TLE2: variants seen among roughly 807,000 people sequenced by gnomAD.
TLE2 encodes the protein transducin-like enhancer protein 2.
Under a neutral mutation model 97.2 loss-of-function variants are expected in TLE2, and 74 were observed. That is an observed-to-expected ratio of 0.76 (90% CI 0.63 to 0.92). The LOEUF is 0.92. TLE2 is among the 40% of genes least tolerant of loss of function. TLE2 has a pLI of 0.00. For missense variants in TLE2, 1,038 were observed against 1,008.7 expected (o/e 1.03, Z -0.39); for synonymous variants, 499 against 432.1 (o/e 1.15, Z -1.92).
intron 2 of TLE2, 93 bp downstream of exon 2, chr19:3,028,613 G>A (rs1368337214): frequency 2.8e-6 from 4 of 1,428,992 alleles, no homozygotes; most frequent in Non-Finnish European, 3.9e-6. Flanking sequence ...CCCTCCAACC[G>A]GGAGCCCCTC....
intron 15 of TLE2, 97 bp from the exon 16 acceptor site, chr19:3,006,065 C>T: frequency 6.9e-7 from 1 of 1,447,008 alleles, no homozygotes; most frequent in South Asian, 1.1e-5. Context: ...CCAATGTAGC[C>T]TCATCCTGAT....
At position 3,029,133 on chromosome 19, in the gene TLE2, G is replaced by C. The variant is rs1156604581; in HGVS notation, c.-229C>G. Reference sequence around the variant, plus strand: ...TTGGGGTGCGCGGGGCGAGCGGGGCGGGCAGGGGCAGCGGCCGGGGCGGGA... The same window carrying C: ...TTGGGGTGCGCGGGGCGAGCGGGGCCGGCAGGGGCAGCGGCCGGGGCGGGA... On this transcript the variant is annotated 5_prime_UTR_variant, in exon 1 of 20. Coordinates refer to ENST00000262953, the MANE Select transcript of TLE2 (RefSeq NM_003260.5). The C allele has an allele frequency of 1.3e-5, 14 of 1,063,602 alleles. No homozygotes were observed. The highest frequency in any genetic ancestry group is 4.2e-4 in the Middle Eastern group (1 of 2,396). The allele number at this position is 1,063,602 out of a possible 1,614,324, so 65.9% of individuals were successfully genotyped here. A position where few individuals can be genotyped will look rare whatever the true frequency, so the allele number is the denominator to read the frequency against.
At chr19:3,030,163 C>A (rs946229818), upstream of TLE2, among the ~76,000 whole-genome samples, 2 of 152,170 alleles carry the variant, frequency 1.3e-5, no homozygotes, top group Non-Finnish European at 2.9e-5. Context: ...GAGCAAACTT[C>A]CACAGATGGG....
At chr19:3,042,240 AGAG>A (rs1043216014) in intron 1 of TLE2, among the ~76,000 whole-genome samples, 1 of 103,732 alleles carries the variant, frequency 9.6e-6, no homozygotes, top group African/African-American at 3.8e-5. Context: ...AGAGGAGGGG[AGAG>A]GAGGAGGCCC....
In TLE2 at chr19:3,036,584, C is replaced by T. The variant is rs2090064965; in HGVS notation, c.64-7781G>A. On this transcript the variant is annotated intron_variant, in intron 1 of 18. Coordinates refer to the TLE2 transcript ENST00000426948. ...CCCGGGCTCGCGGGTGACCTCTGAGCCTCAGCTCCCCGCCACGCTTGGCGG... is the reference window on the plus strand; with the variant it reads ...CCCGGGCTCGCGGGTGACCTCTGAGTCTCAGCTCCCCGCCACGCTTGGCGG... 2.0e-5 allele frequency among the ~76,000 whole-genome samples: 3 copies of T among 152,244 alleles called. No homozygotes were observed. In the South Asian group the frequency reaches 6.2e-4, roughly 31 times the overall value.
At chr19:3,014,658 G>A in intron 9 of TLE2, 44 bp from the exon 10 acceptor site, 2 of 1,534,712 alleles carry the variant, frequency 1.3e-6, no homozygotes, top group Non-Finnish European at 8.8e-7. Context: ...TCATGCCCCT[G>A]CCTCCACACC....
chr19:3,016,706 G>A (rs951014165), intron 8 of TLE2, among the ~76,000 whole-genome samples: 17 of 152,092 alleles, frequency 1.1e-4, no homozygotes, highest in East Asian at 5.8e-4. Context: ...CTAGGCGAAC[G>A]GAAGTGAGGA....
At chr19:3,001,842 G>A (rs1004962530) in intron 18 of TLE2, among the ~76,000 whole-genome samples, 1 of 141,660 alleles carries the variant, frequency 7.1e-6, no homozygotes, top group East Asian at 2.0e-4. Context: ...TTGTCTCCCA[G>A]GCTGGAATGC....
chr19:3,021,410 AAAAG>A (rs958387156), intron 5 of TLE2, among the ~76,000 whole-genome samples: 5 of 152,030 alleles, frequency 3.3e-5, no homozygotes, highest in Admixed American at 6.6e-5. Flanking sequence ...TCTCAAAAAA[AAAAG>A]AAAGAAAGAA....
At chr19:3,009,962 G>GA (rs762561095) in intron 12 of TLE2, among the ~76,000 whole-genome samples, 6 of 151,324 alleles carry the variant, frequency 4.0e-5, no homozygotes, top group Non-Finnish European at 7.4e-5. Context: ...TCGGCTCACT[G>GA]AAACCTCTGC....
rs1440349209 is a variant in TLE2, at chr19:3,024,013, T to G, written c.294+1007A>C. Reference sequence around the variant, plus strand: ...AGCTAACTTTTTTTTTTTTTTTTTTTGAGATGGAGTCTAACTCTCTCACCC... The same window carrying G: ...AGCTAACTTTTTTTTTTTTTTTTTTGGAGATGGAGTCTAACTCTCTCACCC... On this transcript the variant is annotated intron_variant, in intron 5 of 19. Transcript: ENST00000262953. Among the ~76,000 whole-genome samples the G allele has an allele frequency of 4.8e-4, 67 of 140,760 alleles. 1 individual carries two copies. Among genetic ancestry groups the G allele is most frequent in the Non-Finnish European group, 7.7e-4 (51 of 65,814 alleles). 92.3% of individuals were successfully genotyped at this position (140,760 alleles called of 152,430 possible).
At chr19:3,006,713 C>T in intron 14 of TLE2, 44 bp from the exon 15 acceptor site, 1 of 1,512,484 alleles carries the variant, frequency 6.6e-7, no homozygotes, top group Non-Finnish European at 9.0e-7. Context: ...GGCACCACGC[C>T]CCCGCACCCG....
chr19:3,044,338 G>T (rs1171867711), intron 1 of TLE2, among the ~76,000 whole-genome samples: 1 of 152,064 alleles, frequency 6.6e-6, no homozygotes, highest in Non-Finnish European at 1.5e-5. Context: ...ACCATCCATG[G>T]CTCCCTATGC....
chr19:3,044,576 C>A (rs938929870), intron 1 of TLE2, among the ~76,000 whole-genome samples: 3 of 152,182 alleles, frequency 2.0e-5, no homozygotes, highest in African/African-American at 7.2e-5. Context: ...TGCGCCACCA[C>A]GCCCGGCTAA....
chr19:3,016,924 GC>G (rs562882666), intron 8 of TLE2, among the ~76,000 whole-genome samples: 183 of 149,112 alleles, frequency 1.2e-3, no homozygotes, highest in African/African-American at 4.3e-3. Flanking sequence ...GATTACAGGC[GC>G]CCACCACCAC....
In TLE2 at chr19:3,019,486, GGCCGGGGCGGGGGGCGGCAGGA is replaced by G; in HGVS notation, c.370-45_370-24del. ...CTGCTGCTAGAAAGGAGGCAGGATG[GGCCGGGGCGGGGGGCGGCAGGA>G]GCCCAGCGGTCCCCAGCCCAAGAGG... On this transcript the variant is annotated intron_variant, in intron 6 of 19. Coordinates refer to ENST00000262953, the MANE Select transcript of TLE2 (RefSeq NM_003260.5). The surrounding 1 kb of genome is among the most constrained non-coding windows in gnomAD (Gnocchi z 5.1). 1 of 1,495,218 alleles carries G rather than the reference GGCCGGGGCGGGGGGCGGCAGGA, an allele frequency of 6.7e-7. No individual in the cohort carries two copies. Among genetic ancestry groups the G allele is most frequent in the Non-Finnish European group, 8.9e-7 (1 of 1,126,098 alleles). 92.6% of individuals were successfully genotyped at this position (1,495,218 alleles called of 1,614,324 possible).
At chr19:3,015,579 C>G (rs1168917842) in intron 9 of TLE2, 74 bp downstream of exon 9, 2 of 1,237,306 alleles carry the variant, frequency 1.6e-6, no homozygotes. Flanking sequence ...GAGCTGGGCT[C>G]TGGAAGGCTC....
chr19:2,998,711 C>T (rs1181104959), intron 19 of TLE2, among the ~76,000 whole-genome samples: 1 of 152,214 alleles, frequency 6.6e-6, no homozygotes, highest in Admixed American at 6.5e-5. Flanking sequence ...CCGCGCCCGG[C>T]AGAGCGACTT....
chr19:3,006,147 C>CTA, intron 15 of TLE2, 179 bp from the exon 16 acceptor site: 1 of 948,918 alleles, frequency 1.1e-6, no homozygotes. Flanking sequence ...CCCCATCTGA[C>CTA]TATAAGCTCC....
Sources: gnomAD v4.1 joint callset for allele counts (sites outside exome capture counted in the v4.1 genomes callset) on GRCh38, gnomAD v4.1.1 for gene constraint, Gnocchi (gnomAD v3.1) non-coding constraint, MANE v1.5 for transcripts, NCBI Gene and HGNC (gene_info 2026-07-23, HGNC 2026-07-21) for gene names.